ARID1B: variants seen among roughly 807,000 people sequenced by gnomAD.
ARID1B encodes AT-rich interactive domain-containing protein 1B.
A neutral mutation model predicts 212.3 loss-of-function variants in ARID1B; 30 were observed. The observed-to-expected ratio is 0.14, with a 90% CI of 0.11 to 0.19. The LOEUF (loss-of-function observed/expected upper bound fraction) is 0.19. ARID1B is among the 10% of genes least tolerant of loss of function. The probability of loss-of-function intolerance (pLI) is 1.00; values close to 1 mark genes in which losing one functional copy is unlikely to be tolerated. For missense variants in ARID1B, 2,891 were observed against 3,204.0 expected (o/e 0.90, Z 2.36); for synonymous variants, 1,402 against 1,301.7 (o/e 1.08, Z -1.66).
intron 7 of ARID1B, among the ~76,000 whole-genome samples, chr6:157,144,038 A>G (rs958783653): frequency 3.9e-5 from 6 of 152,240 alleles, no homozygotes; most frequent in African/African-American, 1.2e-4. Context: ...GCTTCCTGCC[A>G]GGAGACGAAG....
intron 2 of ARID1B, among the ~76,000 whole-genome samples, chr6:156,831,627 C>T (rs1193705079): frequency 1.3e-5 from 2 of 152,206 alleles, no homozygotes; most frequent in Non-Finnish European, 2.9e-5. Flanking sequence ...AGAGGACATA[C>T]ACAGATATAT....
At chr6:157,060,646 T>TA (rs1405993613) in intron 4 of ARID1B, among the ~76,000 whole-genome samples, 6 of 147,954 alleles carry the variant, frequency 4.1e-5, no homozygotes, top group African/African-American at 1.5e-4. Flanking sequence ...TTTTTTTTTT[T>TA]TTTTTTTTTT....
chr6:157,059,209 A>G (rs376072495), intron 4 of ARID1B, among the ~76,000 whole-genome samples: 1 of 152,324 alleles, frequency 6.6e-6, no homozygotes, highest in East Asian at 1.9e-4. Flanking sequence ...CTTGGAAAAT[A>G]GTAAATTGAT....
intron 4 of ARID1B, among the ~76,000 whole-genome samples, chr6:156,999,098 G>A (rs9322593): frequency 1.2e-3 from 177 of 152,210 alleles, no homozygotes; most frequent in African/African-American, 4.2e-3. Context: ...CCTGGTGGCT[G>A]TGGCGGTGCT....
At chr6:157,083,460 C>T (rs548945691) in intron 4 of ARID1B, among the ~76,000 whole-genome samples, 2 of 152,172 alleles carry the variant, frequency 1.3e-5, no homozygotes, top group African/African-American at 4.8e-5. Context: ...GGGGGCACAC[C>T]AGTGATGCAG....
At chr6:157,176,076 G>C (rs1336782058) in intron 11 of ARID1B, among the ~76,000 whole-genome samples, 3 of 152,210 alleles carry the variant, frequency 2.0e-5, no homozygotes, top group Non-Finnish European at 2.9e-5. Context: ...GAGCCTGAAG[G>C]CTTGAAGAGT....
intron 1 of ARID1B, among the ~76,000 whole-genome samples, chr6:156,819,707 C>G (rs1486609545): frequency 6.6e-6 from 1 of 152,176 alleles, no homozygotes; most frequent in African/African-American, 2.4e-5. Flanking sequence ...ACAGTCTAGG[C>G]TGGGGGACAG....
intron 2 of ARID1B, among the ~76,000 whole-genome samples, chr6:156,894,293 T>TTGGGATGGGGGCCGGGGGGA (rs1562465775): frequency 3.5e-5 from 3 of 85,350 alleles, no homozygotes; most frequent in African/African-American, 9.6e-5. Flanking sequence ...GGCCGGGGGG[T>TTGGGATGGGGGCCGGGGGGA]TGGGATGGGG....
In ARID1B at chr6:157,148,272, A is replaced by G. The variant is rs975942954; in HGVS notation, c.2762-352A>G. Among the ~76,000 whole-genome samples the G allele has an allele frequency of 6.6e-6, 1 of 152,132 alleles. No individual in the cohort carries two copies. Among genetic ancestry groups the G allele is most frequent in the Non-Finnish European group, 1.5e-5 (1 of 68,024 alleles). On this transcript the variant is annotated intron_variant, in intron 7 of 19. Coordinates refer to ENST00000636930, the MANE Select transcript of ARID1B (RefSeq NM_001374828.1). This position sits in a 1 kb window ranked among gnomAD's most constrained non-coding sequence, Gnocchi z 5.6. ...TGGTGCTCACCATTTTGGTTAAAAT[A>G]TAAGAATATGTGGTGTTGAATGGAT...
intron 5 of ARID1B, among the ~76,000 whole-genome samples, chr6:157,090,987 G>T (rs2128475024): frequency 6.6e-6 from 1 of 151,766 alleles, no homozygotes; most frequent in South Asian, 2.1e-4. Flanking sequence ...CCTCTTCCAG[G>T]AGCCCCTCCA....
intron 2 of ARID1B, among the ~76,000 whole-genome samples, chr6:156,832,809 T>C (rs1371518014): frequency 2.0e-5 from 3 of 152,246 alleles, no homozygotes. Flanking sequence ...ATTTTAGTAT[T>C]ACCCTGGTGA....
intron 5 of ARID1B, among the ~76,000 whole-genome samples, chr6:157,105,467 G>A (rs1379575509): frequency 6.6e-6 from 1 of 152,098 alleles, no homozygotes; most frequent in African/African-American, 2.4e-5. Flanking sequence ...AAATTCCAGG[G>A]CAAAGGATTA....
chr6:157,080,541 ATCT>A (rs1412949078), intron 4 of ARID1B, among the ~76,000 whole-genome samples: 4 of 152,184 alleles, frequency 2.6e-5, no homozygotes, highest in Admixed American at 2.6e-4. Context: ...CTTCCCATGC[ATCT>A]TCTTTGTGGG....
chr6:157,100,896 T>C (rs1015621978), intron 5 of ARID1B, among the ~76,000 whole-genome samples: 1 of 152,220 alleles, frequency 6.6e-6, no homozygotes, highest in African/African-American at 2.4e-5. Context: ...AAGGAGCAAC[T>C]AAATACAACC....
intron 5 of ARID1B, among the ~76,000 whole-genome samples, chr6:157,103,060 G>A (rs2128498973): frequency 6.6e-6 from 1 of 152,278 alleles, no homozygotes. Flanking sequence ...TACAACAGCT[G>A]AGGTGAGTAG....
chr6:157,188,230 T>C (rs981812425), intron 13 of ARID1B, among the ~76,000 whole-genome samples: 2 of 152,076 alleles, frequency 1.3e-5, no homozygotes, highest in East Asian at 3.9e-4. Context: ...AAATAAAAAC[T>C]TTTTTAAAAA....
chr6:156,918,500 A>G (rs1422554735), intron 3 of ARID1B, among the ~76,000 whole-genome samples: 4 of 152,234 alleles, frequency 2.6e-5, no homozygotes, highest in African/African-American at 9.6e-5. Context: ...AGTAAAAACC[A>G]GAATATAGTT....
intron 2 of ARID1B, 111 bp downstream of exon 2, chr6:156,829,532 T>C (rs1782998049): frequency 8.5e-7 from 1 of 1,183,098 alleles, no homozygotes; most frequent in African/African-American, 1.5e-5. Flanking sequence ...GCACGGATTT[T>C]CTGCTTTAAT....
chr6:157,059,122 G>A (rs1269669677), intron 4 of ARID1B, among the ~76,000 whole-genome samples: 2 of 150,494 alleles, frequency 1.3e-5, no homozygotes, highest in East Asian at 3.9e-4. Context: ...GGTATCTGTT[G>A]GCATGAGAAA....
Sources: allele counts gnomAD v4.1 joint callset (sites outside exome capture counted in the v4.1 genomes callset), GRCh38; gene constraint gnomAD v4.1.1; non-coding constraint Gnocchi (gnomAD v3.1); transcripts MANE v1.5; gene names NCBI Gene and HGNC (gene_info 2026-07-23, HGNC 2026-07-21).